Variants in APBB2 observed in about 807,000 individuals in gnomAD.
APBB2 encodes amyloid beta precursor protein binding family B member 2.
A neutral mutation model predicts 82.5 loss-of-function variants in APBB2; 38 were observed. The observed-to-expected ratio is 0.46, with a 90% CI of 0.36 to 0.60. APBB2 has a LOEUF of 0.60. Ranked by LOEUF, APBB2 falls within the 20% of genes least tolerant of loss-of-function variation. The pLI is 0.00. For synonymous variants in APBB2, 341 were observed against 368.2 expected, an observed-to-expected ratio of 0.93 and a Z score of 0.85; for missense variants, 772 against 972.3, an observed-to-expected ratio of 0.79 and a Z score of 2.74.
intron 1 of APBB2, among the ~76,000 whole-genome samples, chr4:41,213,487 C>T (rs1779833207): frequency 6.6e-6 from 1 of 152,240 alleles, no homozygotes; most frequent in Non-Finnish European, 1.5e-5. Context: ...TCGGTGACAA[C>T]TCCACATATG....
At chr4:40,906,005 G>GAA (rs2154359650) in intron 10 of APBB2, among the ~76,000 whole-genome samples, 1 of 152,272 alleles carries the variant, frequency 6.6e-6, no homozygotes, top group Non-Finnish European at 1.5e-5. Flanking sequence ...GAGGGGCCTG[G>GAA]ATTTGGCTTC....
chr4:41,094,114 T>C (rs986408370), intron 3 of APBB2, among the ~76,000 whole-genome samples: 2 of 152,158 alleles, frequency 1.3e-5, no homozygotes, highest in Non-Finnish European at 2.9e-5. Context: ...AATTTTTATT[T>C]GTCAATAAAA....
intron 4 of APBB2, among the ~76,000 whole-genome samples, chr4:41,034,571 C>T (rs554999798): frequency 1.3e-5 from 2 of 152,330 alleles, no homozygotes; most frequent in South Asian, 2.1e-4. Context: ...GTGATCCGCC[C>T]ACCTTGGCCT....
At chr4:41,166,098 T>C (rs938952136) in intron 1 of APBB2, among the ~76,000 whole-genome samples, 5 of 150,256 alleles carry the variant, frequency 3.3e-5, no homozygotes, top group African/African-American at 7.3e-5. Context: ...ATGGTCTCAA[T>C]CTCCTGACCT....
At chr4:40,964,634 T>C (rs1346059609) in intron 6 of APBB2, among the ~76,000 whole-genome samples, 1 of 151,920 alleles carries the variant, frequency 6.6e-6, no homozygotes, top group Non-Finnish European at 1.5e-5. Flanking sequence ...AAAGGTAAAA[T>C]GTGTTGGATT....
At chr4:41,070,129 G>A (rs1040950595) in intron 3 of APBB2, among the ~76,000 whole-genome samples, 1 of 152,088 alleles carries the variant, frequency 6.6e-6, no homozygotes, top group African/African-American at 2.4e-5. Flanking sequence ...ACCTGCTGGG[G>A]CAGTAAGATA....
intron 12 of APBB2, among the ~76,000 whole-genome samples, chr4:40,889,651 T>G (rs1039758280): frequency 2.6e-5 from 4 of 152,260 alleles, no homozygotes; most frequent in Non-Finnish European, 5.9e-5. Context: ...CAATGGTCTC[T>G]GAACATAAAG....
intron 12 of APBB2, among the ~76,000 whole-genome samples, chr4:40,858,056 A>G (rs370491412): frequency 9.9e-5 from 15 of 152,204 alleles, no homozygotes; most frequent in African/African-American, 2.9e-4. Flanking sequence ...TTTTGTTTAT[A>G]GCTGACTTGA....
chr4:40,845,645 C>T (rs1389914657), intron 12 of APBB2, among the ~76,000 whole-genome samples: 1 of 140,292 alleles, frequency 7.1e-6, no homozygotes, highest in Non-Finnish European at 1.5e-5. Flanking sequence ...ATGTCTATTC[C>T]AGCTTTTTGG....
chr4:41,194,054 G>A, intron 1 of APBB2: 1 of 152,146 alleles, frequency 6.6e-6, no homozygotes, highest in African/African-American at 2.4e-5. Context: ...AACTTCGGGA[G>A]GCCAAGGCGG....
chr4:41,144,785 A>G (rs1229997399), intron 1 of APBB2, among the ~76,000 whole-genome samples: 2 of 152,184 alleles, frequency 1.3e-5, no homozygotes, highest in East Asian at 1.9e-4. Context: ...ATCGCATCCA[A>G]ATTTCTCTAT....
chr4:41,159,907 A>AAGG (rs539873521), intron 1 of APBB2, among the ~76,000 whole-genome samples: 464 of 35,214 alleles, frequency 0.013, 25 homozygotes, highest in African/African-American at 0.026. Context: ...GAAGAAGGAG[A>AAGG]AGGAGGAGGA....
intron 4 of APBB2, among the ~76,000 whole-genome samples, chr4:41,037,023 C>G (rs1243212001): frequency 6.6e-6 from 1 of 152,120 alleles, no homozygotes; most frequent in Non-Finnish European, 1.5e-5. Context: ...TCTACTAGTA[C>G]CTAGAAGCTA....
At chr4:41,121,689 C>G (rs1752872684) in intron 2 of APBB2, among the ~76,000 whole-genome samples, 1 of 152,162 alleles carries the variant, frequency 6.6e-6, no homozygotes, top group Non-Finnish European at 1.5e-5. Context: ...AAATCCTTTC[C>G]CACCATATTC....
chr4:40,979,414 T>C (rs1797950939), intron 6 of APBB2, among the ~76,000 whole-genome samples: 1 of 145,362 alleles, frequency 6.9e-6, no homozygotes, highest in South Asian at 2.4e-4. Context: ...TATGTTGCAT[T>C]GTAAGGTGAA....
At chr4:41,113,742 T>C (rs892165712) in intron 2 of APBB2, among the ~76,000 whole-genome samples, 7 of 152,170 alleles carry the variant, frequency 4.6e-5, no homozygotes, top group Non-Finnish European at 1.0e-4. Flanking sequence ...TGTACTTTTA[T>C]TATGAAGCTT....
chr4:41,045,911 G>A (rs1332692930), intron 4 of APBB2, among the ~76,000 whole-genome samples: 2 of 152,096 alleles, frequency 1.3e-5, no homozygotes, highest in Non-Finnish European at 2.9e-5. Context: ...ATCTCCGGGT[G>A]ACAGGATTTA....
At chr4:41,123,410 C>T (rs924284810) in intron 2 of APBB2, among the ~76,000 whole-genome samples, 1 of 152,162 alleles carries the variant, frequency 6.6e-6, no homozygotes, top group Admixed American at 6.5e-5. Flanking sequence ...TTGCAGATTA[C>T]ATTGAAGGGA....
chr4:40,916,755 G>C (rs1001941236), intron 10 of APBB2, among the ~76,000 whole-genome samples: 4 of 152,174 alleles, frequency 2.6e-5, no homozygotes, highest in African/African-American at 9.7e-5. Flanking sequence ...ACAAAAACAA[G>C]GAGGGACCCA....
Sources: gnomAD v4.1 joint callset for allele counts (sites outside exome capture counted in the v4.1 genomes callset) on GRCh38, gnomAD v4.1.1 for gene constraint, MANE v1.5 for transcripts, NCBI Gene and HGNC (gene_info 2026-07-23, HGNC 2026-07-21) for gene names.